SUGCT: variants seen among roughly 807,000 people sequenced by gnomAD.
SUGCT encodes succinyl-CoA:glutarate CoA-transferase.
In SUGCT, 41 loss-of-function variants were observed where a neutral mutation model predicts 55.0. The ratio of observed to expected loss-of-function variants is 0.74; its 90% CI spans 0.58 to 0.97. SUGCT has a LOEUF of 0.97. Ranked by LOEUF, SUGCT falls within the 50% of genes least tolerant of loss-of-function variation. The pLI, the probability that SUGCT is intolerant of heterozygous loss-of-function variation, is 0.00. For synonymous variants in SUGCT, 187 were observed against 200.4 expected, an observed-to-expected ratio of 0.93 and a Z score of 0.56; for missense variants, 568 against 547.8, an observed-to-expected ratio of 1.04 and a Z score of -0.37.
At chr7:40,925,826 GCTC>G in the SUGCT span, among the ~76,000 whole-genome samples, 1 of 152,188 alleles carries the variant, frequency 6.6e-6, no homozygotes, top group South Asian at 2.1e-4. Context: ...AGTCATGATG[GCTC>G]ATGCCTGCAA....
intron 6 of SUGCT, among the ~76,000 whole-genome samples, chr7:40,214,527 G>A (rs1787512912): frequency 6.6e-6 from 1 of 152,164 alleles, no homozygotes; most frequent in Admixed American, 6.6e-5. Flanking sequence ...GCACCTCTTT[G>A]TGTGTCAGAA....
At chr7:40,835,914 A>T in intron 13 of SUGCT, among the ~76,000 whole-genome samples, 1 of 136,018 alleles carries the variant, frequency 7.4e-6, no homozygotes, top group Non-Finnish European at 1.5e-5. Context: ...TTTTGGTGAG[A>T]CAGGGTCTCA....
chr7:40,508,807 A>G (rs1019894912), intron 12 of SUGCT, among the ~76,000 whole-genome samples: 1 of 152,200 alleles, frequency 6.6e-6, no homozygotes, highest in Non-Finnish European at 1.5e-5. Flanking sequence ...TCTTTCCAAG[A>G]TAACCCAAAT....
chr7:40,675,068 T>TC (rs1783896024), intron 12 of SUGCT, among the ~76,000 whole-genome samples: 1 of 151,150 alleles, frequency 6.6e-6, no homozygotes, highest in Admixed American at 6.6e-5. Context: ...AAATCTTTTT[T>TC]TTTTTTTTTT....
intron 9 of SUGCT, among the ~76,000 whole-genome samples, chr7:40,409,726 A>C (rs1786570525): frequency 6.7e-6 from 1 of 149,504 alleles, no homozygotes. Flanking sequence ...TTTGAGACAG[A>C]GTTTTGCTCT....
At chr7:40,681,275 C>T (rs1281553782) in intron 12 of SUGCT, among the ~76,000 whole-genome samples, 1 of 152,052 alleles carries the variant, frequency 6.6e-6, no homozygotes. Flanking sequence ...GCCCCACTTC[C>T]CCAAGCTTCA....
chr7:40,151,643 G>T, intron 1 of SUGCT: 1 of 226,396 alleles, frequency 4.4e-6, no homozygotes. Flanking sequence ...GCCACTAACA[G>T]CTCCTAGTTG....
intron 11 of SUGCT, among the ~76,000 whole-genome samples, chr7:40,480,830 G>A (rs865842874): frequency 3.9e-5 from 6 of 151,914 alleles, no homozygotes; most frequent in Admixed American, 1.3e-4. Flanking sequence ...AAAAGTGCCC[G>A]GAGAGGTAGT....
chr7:40,695,747 TG>T (rs1554403419), intron 12 of SUGCT, among the ~76,000 whole-genome samples: 2 of 152,198 alleles, frequency 1.3e-5, no homozygotes, highest in Non-Finnish European at 2.9e-5. Context: ...ATAATCGTTA[TG>T]GGGGCTGTCT....
chr7:40,254,262 G>C (rs937161901), intron 7 of SUGCT, among the ~76,000 whole-genome samples: 2 of 152,058 alleles, frequency 1.3e-5, no homozygotes, highest in South Asian at 2.1e-4. Flanking sequence ...ATGAATCCTG[G>C]TTTTTCAAGA....
intron 12 of SUGCT, among the ~76,000 whole-genome samples, chr7:40,540,921 C>T (rs1329118907): frequency 1.3e-5 from 2 of 152,188 alleles, no homozygotes; most frequent in African/African-American, 2.4e-5. Context: ...GCAGTAAGAG[C>T]AATATGTAAC....
At chr7:41,032,499 G>A in the SUGCT span, among the ~76,000 whole-genome samples, 2 of 152,076 alleles carry the variant, frequency 1.3e-5, no homozygotes, top group Non-Finnish European at 2.9e-5. Context: ...GGAATGTAAA[G>A]GAAAGGCAAG....
the SUGCT span, among the ~76,000 whole-genome samples, chr7:41,009,984 C>T: frequency 2.2e-4 from 34 of 152,206 alleles, no homozygotes; most frequent in African/African-American, 8.0e-4. Context: ...TTGATGTGTG[C>T]ATCTCAACCA....
intron 12 of SUGCT, among the ~76,000 whole-genome samples, chr7:40,726,731 A>G (rs748193036): frequency 2.7e-4 from 41 of 152,332 alleles, no homozygotes; most frequent in South Asian, 8.3e-4. Context: ...GGCACCGACA[A>G]TGGGTTGGCT....
chr7:40,643,249 G>C (rs1029428372), intron 12 of SUGCT, among the ~76,000 whole-genome samples: 3 of 152,206 alleles, frequency 2.0e-5, no homozygotes, highest in Non-Finnish European at 4.4e-5. Flanking sequence ...CAAGTGACTT[G>C]AAGCTCTCTG....
intron 7 of SUGCT, among the ~76,000 whole-genome samples, chr7:40,266,848 C>T (rs57954258): frequency 1.1e-4 from 16 of 151,984 alleles, no homozygotes; most frequent in African/African-American, 3.9e-4. Context: ...AACCCCATCT[C>T]TACTAAAAAT....
At chr7:40,197,422 C>T (rs529858132) in intron 6 of SUGCT, among the ~76,000 whole-genome samples, 1 of 152,272 alleles carries the variant, frequency 6.6e-6, no homozygotes, top group Admixed American at 6.5e-5. Flanking sequence ...ATGCAAAATG[C>T]TATATGACAA....
intron 13 of SUGCT, among the ~76,000 whole-genome samples, chr7:40,786,789 A>T (rs34213068): frequency 0.13 from 20,367 of 152,154 alleles, 1,574 homozygotes; most frequent in South Asian, 0.26. Context: ...CTGCATCCTG[A>T]ATTGGATGTT....
At chr7:40,500,316 G>A (rs1439728314) in intron 12 of SUGCT, among the ~76,000 whole-genome samples, 1 of 152,070 alleles carries the variant, frequency 6.6e-6, no homozygotes, top group Non-Finnish European at 1.5e-5. Context: ...TCAGGTGTAA[G>A]ACATCACCCT....
Sources: allele counts gnomAD v4.1 joint callset (sites outside exome capture counted in the v4.1 genomes callset), GRCh38; gene constraint gnomAD v4.1.1; transcripts MANE v1.5; gene names NCBI Gene and HGNC (gene_info 2026-07-23, HGNC 2026-07-21).